Variants in COX10 observed in about 807,000 individuals in gnomAD.
COX10 encodes the protein cytochrome c oxidase assembly factor heme A:farnesyltransferase COX10.
A neutral mutation model predicts 37.3 loss-of-function variants in COX10; 27 were observed. The observed-to-expected ratio is 0.72, with a 90% CI of 0.53 to 1.00. The LOEUF (loss-of-function observed/expected upper bound fraction) is 1.00, where lower values mean the gene tolerates loss of function less well. COX10 is among the 50% of genes least tolerant of loss of function. The pLI, the probability that COX10 is intolerant of heterozygous loss-of-function variation, is 0.00. For synonymous variants in COX10, 222 were observed against 229.1 expected (o/e 0.97, Z 0.28); for missense variants, 475 against 563.2 (o/e 0.84, Z 1.59).
rs543521809 is a variant in COX10 at position 14,116,822 on chromosome 17, T to A, written c.624+14580T>A. On this transcript the variant is annotated intron_variant, in intron 4 of 6. Coordinates refer to ENST00000261643, the MANE Select transcript of COX10 (RefSeq NM_001303.4). ...CACTATTACTACTTCTACCTTCTCC[T>A]TCTACAGCATCCTCAACACAACATC... is the stretch of plus-strand genomic sequence containing the variant. 3.9e-5 allele frequency among the ~76,000 whole-genome samples: 6 copies of A among 152,270 alleles called. 1 individual carries two copies. In the East Asian group the frequency reaches 1.2e-3, roughly 29 times the overall value.
intron 4 of COX10, among the ~76,000 whole-genome samples, chr17:14,143,682 T>G (rs1020678391): frequency 6.6e-6 from 1 of 152,176 alleles, no homozygotes; most frequent in Admixed American, 6.6e-5. Flanking sequence ...GTGTAAATCT[T>G]TCAGGGTGTT....
chr17:14,090,606 G>A (rs62054153), intron 3 of COX10, among the ~76,000 whole-genome samples: 8,235 of 152,174 alleles, frequency 0.054, 289 homozygotes, highest in Non-Finnish European at 0.075. Context: ...ACTACTTGGA[G>A]CATTCTCTCA....
intron 5 of COX10, among the ~76,000 whole-genome samples, chr17:14,175,165 A>G (rs1172400555): frequency 1.7e-5 from 2 of 119,298 alleles, no homozygotes; most frequent in Non-Finnish European, 3.6e-5. Context: ...TATATGTTCT[A>G]TATCTTGATT....
In COX10 at chr17:14,076,722, C is replaced by G. The variant is rs1915159416; in HGVS notation, c.178-13C>G. On this transcript the variant is annotated splice_polypyrimidine_tract_variant and intron_variant, in intron 2 of 6. Coordinates refer to ENST00000261643, the MANE Select transcript of COX10 (RefSeq NM_001303.4). ...GGCCTTGGTTTTATAGTAATGTGTGCTTTTTTGTTTAGTATGTCACACAGC... is the reference window on the plus strand; with the variant it reads ...GGCCTTGGTTTTATAGTAATGTGTGGTTTTTTGTTTAGTATGTCACACAGC... The G allele has an allele frequency of 6.2e-7, 1 of 1,613,886 alleles. No homozygotes were observed. The highest frequency in any genetic ancestry group is 8.5e-7 in the Non-Finnish European group (1 of 1,179,914).
chr17:14,080,528 G>A (rs1333600382), intron 3 of COX10, among the ~76,000 whole-genome samples: 4 of 152,148 alleles, frequency 2.6e-5, no homozygotes. Flanking sequence ...TTGGGAATTA[G>A]ACTTTCTCTG....
chr17:14,077,605 A>G (rs1373794150), intron 3 of COX10, among the ~76,000 whole-genome samples: 1 of 152,214 alleles, frequency 6.6e-6, no homozygotes, highest in Non-Finnish European at 1.5e-5. Flanking sequence ...TTGTATTGCC[A>G]TAATTAAGTG....
intron 3 of COX10, among the ~76,000 whole-genome samples, chr17:14,082,638 G>A (rs1370471751): frequency 3.9e-5 from 6 of 152,032 alleles, no homozygotes; most frequent in African/African-American, 1.2e-4. Flanking sequence ...CATTCCAGAT[G>A]CAGGGTTTGA....
chr17:14,071,877 G>A (rs1915033095), intron 1 of COX10, among the ~76,000 whole-genome samples: 1 of 152,002 alleles, frequency 6.6e-6, no homozygotes, highest in Admixed American at 6.6e-5. Flanking sequence ...TCCAGCCTGG[G>A]TGACAGAGTG....
Position 14,208,137 on chromosome 17 carries a change from TC to T in COX10, c.*926del, listed in dbSNP as rs1906765740. 1 of 152,246 alleles carries T rather than the reference TC, an allele frequency of 6.6e-6. No individual in the cohort carries two copies. Among genetic ancestry groups the T allele is most frequent in the Non-Finnish European group, 1.5e-5 (1 of 68,056 alleles). The allele number at this position is 152,246 out of a possible 1,614,324, so 9.4% of individuals were successfully genotyped here. ...GCTAACCAGCCCACAGAGCTCACAT[TC>T]CTGTCCCTTGGGTGAAAAATACATG... On this transcript the variant is annotated 3_prime_UTR_variant, in exon 7 of 7. Transcript: ENST00000261643.
chr17:14,094,671 G>A (rs1473588810), intron 3 of COX10, among the ~76,000 whole-genome samples: 2 of 152,182 alleles, frequency 1.3e-5, no homozygotes. Context: ...TACAGAGTGT[G>A]GTGTGAAGTG....
At chr17:14,085,321 T>C (rs1216774602) in intron 3 of COX10, among the ~76,000 whole-genome samples, 1 of 152,236 alleles carries the variant, frequency 6.6e-6, no homozygotes, top group Non-Finnish European at 1.5e-5. Context: ...ATGTTTTGTT[T>C]AGTTATTTGC....
intron 3 of COX10, among the ~76,000 whole-genome samples, chr17:14,091,715 G>T (rs967740448): frequency 6.6e-6 from 1 of 152,158 alleles, no homozygotes. Flanking sequence ...TATGTGTTCT[G>T]CAAAATAAGC....
intron 4 of COX10, among the ~76,000 whole-genome samples, chr17:14,139,428 A>G (rs1387847205): frequency 6.6e-6 from 1 of 152,178 alleles, no homozygotes; most frequent in Non-Finnish European, 1.5e-5. Context: ...GTACTGCCTT[A>G]ATCACTAAAC....
At chr17:14,175,565 C>T (rs1905660652) in intron 5 of COX10, among the ~76,000 whole-genome samples, 1 of 151,668 alleles carries the variant, frequency 6.6e-6, no homozygotes, top group Admixed American at 6.6e-5. Flanking sequence ...GAATTGTGTC[C>T]TCAGCATCTC....
intron 1 of COX10, 66 bp downstream of exon 1, chr17:14,069,714 T>G: frequency 6.2e-7 from 1 of 1,600,906 alleles, no homozygotes. Flanking sequence ...TGCGAGGCCG[T>G]GGTTCCGGCT....
At chr17:14,106,161 C>T (rs1000443662) in intron 4 of COX10, among the ~76,000 whole-genome samples, 1 of 151,908 alleles carries the variant, frequency 6.6e-6, no homozygotes, top group African/African-American at 2.4e-5. Context: ...GTATTATAGG[C>T]GCCCGCCACC....
chr17:14,102,448 G>A (rs1452172678), intron 4 of COX10, among the ~76,000 whole-genome samples: 1 of 152,144 alleles, frequency 6.6e-6, no homozygotes, highest in Non-Finnish European at 1.5e-5. Context: ...AGGTGAGAGA[G>A]CAGTAGATTA....
At chr17:14,072,204 G>A (rs1003825745) in intron 1 of COX10, among the ~76,000 whole-genome samples, 1 of 151,988 alleles carries the variant, frequency 6.6e-6, no homozygotes, top group Non-Finnish European at 1.5e-5. Flanking sequence ...TAAAATCTCA[G>A]TTTGACCCAC....
chr17:14,202,359 G>A (rs761943985), intron 6 of COX10, among the ~76,000 whole-genome samples: 18 of 151,940 alleles, frequency 1.2e-4, no homozygotes, highest in East Asian at 1.9e-4. Flanking sequence ...CAAGTAGGCC[G>A]GACTATAGGC....
Sources: allele counts gnomAD v4.1 joint callset (sites outside exome capture counted in the v4.1 genomes callset), GRCh38; gene constraint gnomAD v4.1.1; transcripts MANE v1.5; gene names NCBI Gene and HGNC (gene_info 2026-07-23, HGNC 2026-07-21).